Variants in PDE7B observed in about 807,000 individuals in gnomAD.
The protein encoded by PDE7B is phosphodiesterase 7B.
In PDE7B, 29 loss-of-function variants were observed where a neutral mutation model predicts 56.2. The observed-to-expected ratio is 0.52, with a 90% CI of 0.38 to 0.70. PDE7B has a LOEUF of 0.70. Among genes scored for constraint, PDE7B ranks in the 30% least tolerant of loss-of-function variants. PDE7B has a pLI of 0.00. For synonymous variants in PDE7B, 197 were observed against 196.9 expected, an observed-to-expected ratio of 1.00 and a Z score of 0.00; for missense variants, 490 against 565.0, an observed-to-expected ratio of 0.87 and a Z score of 1.35.
intron 4 of PDE7B, among the ~76,000 whole-genome samples, chr6:136,148,267 G>C (rs1778449571): frequency 1.3e-5 from 2 of 151,848 alleles, no homozygotes; most frequent in African/African-American, 2.4e-5. Context: ...GAGGCAGCAG[G>C]ATTGCTTAAG....
intron 1 of PDE7B, among the ~76,000 whole-genome samples, chr6:135,925,412 C>G (rs1774166790): frequency 6.6e-6 from 1 of 152,130 alleles, no homozygotes; most frequent in Admixed American, 6.5e-5. Context: ...ATTGCTGACA[C>G]ATTATTTAAA....
intron 2 of PDE7B, among the ~76,000 whole-genome samples, chr6:136,023,447 A>C (rs756928516): frequency 2.6e-5 from 4 of 152,316 alleles, no homozygotes; most frequent in Middle Eastern, 3.4e-3. Flanking sequence ...GGGGCCACCA[A>C]ATCTCTGAAG....
intron 3 of PDE7B, among the ~76,000 whole-genome samples, chr6:136,110,145 C>A (rs553544342): frequency 2.3e-4 from 35 of 152,168 alleles, no homozygotes; most frequent in African/African-American, 8.0e-4. Flanking sequence ...GACACAGAGA[C>A]TTGGAGTAAT....
At chr6:135,977,762 T>C (rs76244056) in intron 2 of PDE7B, among the ~76,000 whole-genome samples, 16 of 152,222 alleles carry the variant, frequency 1.1e-4, no homozygotes, top group African/African-American at 3.9e-4. Flanking sequence ...CAGATGACCA[T>C]CTTCAAAGTG....
chr6:135,952,987 G>A (rs1014490314), intron 2 of PDE7B, among the ~76,000 whole-genome samples: 2 of 152,096 alleles, frequency 1.3e-5, no homozygotes, highest in South Asian at 2.1e-4. Flanking sequence ...TCAGCTACTT[G>A]TGAAATTAAA....
intron 7 of PDE7B, 112 bp downstream of exon 7, chr6:136,154,287 T>G (rs1265632914): frequency 1.7e-6 from 1 of 604,628 alleles, no homozygotes; most frequent in East Asian, 2.8e-5. Flanking sequence ...TCATTAACAA[T>G]GTGAACACAA....
chr6:136,125,854 G>A (rs1052535096), intron 3 of PDE7B, among the ~76,000 whole-genome samples: 48 of 151,960 alleles, frequency 3.2e-4, no homozygotes, highest in African/African-American at 1.0e-3. Context: ...CCAGCAGAAA[G>A]ACTTCTAACC....
intron 2 of PDE7B, among the ~76,000 whole-genome samples, chr6:135,974,975 A>C (rs1775157506): frequency 1.3e-5 from 2 of 152,000 alleles, no homozygotes; most frequent in African/African-American, 2.4e-5. Flanking sequence ...CAAAAGGGTG[A>C]GGTGCAAGAG....
At chr6:135,942,959 C>T (rs1774532242) in intron 1 of PDE7B, among the ~76,000 whole-genome samples, 1 of 152,032 alleles carries the variant, frequency 6.6e-6, no homozygotes, top group Admixed American at 6.6e-5. Context: ...ATAATAGATG[C>T]AGTATTTTAT....
chr6:136,090,870 C>T (rs1352974651), intron 2 of PDE7B, among the ~76,000 whole-genome samples: 1 of 152,156 alleles, frequency 6.6e-6, no homozygotes, highest in African/African-American at 2.4e-5. Context: ...GAAGTTCATA[C>T]TCTATCAATC....
intron 2 of PDE7B, among the ~76,000 whole-genome samples, chr6:136,083,544 CAT>C (rs1282927746): frequency 6.6e-6 from 1 of 152,118 alleles, no homozygotes; most frequent in Non-Finnish European, 1.5e-5. Context: ...TTCTCTTTTC[CAT>C]ATTATTCATG....
chr6:136,114,065 C>G (rs1056001780), intron 3 of PDE7B, among the ~76,000 whole-genome samples: 6 of 152,198 alleles, frequency 3.9e-5, no homozygotes, highest in Non-Finnish European at 2.9e-5. Flanking sequence ...ACAGAGAACC[C>G]AGAGCTCCAG....
chr6:135,881,506 C>CA (rs1208063924), intron 1 of PDE7B, among the ~76,000 whole-genome samples: 131 of 150,264 alleles, frequency 8.7e-4, no homozygotes, highest in African/African-American at 2.2e-3. Context: ...GACTCTGTCT[C>CA]AAAAAAAAAG....
At chr6:136,089,947 A>G (rs188485330) in intron 2 of PDE7B, among the ~76,000 whole-genome samples, 1 of 152,278 alleles carries the variant, frequency 6.6e-6, no homozygotes, top group Admixed American at 6.5e-5. Context: ...ACAGGAATGT[A>G]ATCTTTCCTA....
intron 3 of PDE7B, among the ~76,000 whole-genome samples, chr6:136,142,070 C>A (rs1778336363): frequency 6.6e-6 from 1 of 152,066 alleles, no homozygotes; most frequent in African/African-American, 2.4e-5. Context: ...TAGATCTTTC[C>A]TGCTTTCTCT....
intron 2 of PDE7B, among the ~76,000 whole-genome samples, chr6:136,026,146 T>C (rs1412359828): frequency 1.3e-5 from 2 of 152,216 alleles, no homozygotes; most frequent in South Asian, 2.1e-4. Context: ...TAACCCTCCA[T>C]TGCTAGCCCC....
intron 2 of PDE7B, among the ~76,000 whole-genome samples, chr6:136,038,753 C>T (rs1365965677): frequency 6.6e-6 from 1 of 152,144 alleles, no homozygotes; most frequent in Non-Finnish European, 1.5e-5. Flanking sequence ...GTCCTGGACT[C>T]AGCTTGACAA....
At chr6:135,975,734 A>G (rs1775175088) in intron 2 of PDE7B, among the ~76,000 whole-genome samples, 1 of 152,236 alleles carries the variant, frequency 6.6e-6, no homozygotes, top group Admixed American at 6.5e-5. Context: ...AATGAGATTT[A>G]AGACTAAAAA....
chr6:136,149,795 A>G (rs1008960846), intron 5 of PDE7B, among the ~76,000 whole-genome samples: 7 of 152,318 alleles, frequency 4.6e-5, no homozygotes, highest in Middle Eastern at 3.4e-3. Flanking sequence ...AATGAAAGAC[A>G]TCACATTTAA....
Sources: allele counts gnomAD v4.1 joint callset (sites outside exome capture counted in the v4.1 genomes callset), GRCh38; gene constraint gnomAD v4.1.1; transcripts MANE v1.5; gene names NCBI Gene and HGNC (gene_info 2026-07-23, HGNC 2026-07-21).